RHOBTB1: variants seen among roughly 807,000 people sequenced by gnomAD.
The protein encoded by RHOBTB1 is Rho related BTB domain containing 1, also known as rho-related BTB domain-containing protein 1.
Under a neutral mutation model 71.6 loss-of-function variants are expected in RHOBTB1, and 40 were observed. The observed-to-expected ratio is 0.56, with a 90% CI of 0.43 to 0.73. The LOEUF (loss-of-function observed/expected upper bound fraction) is 0.73, where lower values mean the gene tolerates loss of function less well. Among genes scored for constraint, RHOBTB1 ranks in the 30% least tolerant of loss-of-function variants. The pLI, the probability that RHOBTB1 is intolerant of heterozygous loss-of-function variation, is 0.00. For missense variants in RHOBTB1, 797 were observed against 894.0 expected (o/e 0.89, Z 1.38); for synonymous variants, 319 against 334.9 (o/e 0.95, Z 0.52).
Position 60,941,800 on chromosome 10 carries a change from T to A in RHOBTB1, c.-11+4A>T, listed in dbSNP as rs2084916369. Reference sequence around the variant, plus strand: ...TAGTCATGGGTTTGCACAAAGACACTGACCTGGCTTGCTGGAAGTGAAGAA... The same window carrying A: ...TAGTCATGGGTTTGCACAAAGACACAGACCTGGCTTGCTGGAAGTGAAGAA... On this transcript the variant is annotated splice_donor_region_variant and intron_variant, in intron 2 of 10. Transcript: ENST00000337910. 6.6e-6 allele frequency: 1 copy of A among 152,558 alleles called. No individual in the cohort carries two copies. Among genetic ancestry groups the A allele is most frequent in the Non-Finnish European group, 1.5e-5 (1 of 68,022 alleles). 9.5% of individuals were successfully genotyped at this position (152,558 alleles called of 1,614,324 possible).
chr10:60,975,855 A>G (rs1339298594), intron 2 of RHOBTB1, among the ~76,000 whole-genome samples: 1 of 152,086 alleles, frequency 6.6e-6, no homozygotes, highest in Non-Finnish European at 1.5e-5. Flanking sequence ...AGAACCTGGG[A>G]ATCAAGCCCA....
chr10:60,992,936 GA>G (rs2086918286), intron 1 of RHOBTB1, among the ~76,000 whole-genome samples: 1 of 152,084 alleles, frequency 6.6e-6, no homozygotes, highest in Non-Finnish European at 1.5e-5. Context: ...CTCTCTCAAA[GA>G]AAGAAATCGT....
At chr10:60,899,496 C>T (rs768122587) in intron 4 of RHOBTB1, among the ~76,000 whole-genome samples, 18 of 152,274 alleles carry the variant, frequency 1.2e-4, no homozygotes, top group Admixed American at 2.6e-4. Flanking sequence ...TTAACCTCCC[C>T]GACTCTTCTG....
chr10:61,001,079 C>CGTGTGT (rs139082859), intron 1 of RHOBTB1, among the ~76,000 whole-genome samples: 1 of 149,778 alleles, frequency 6.7e-6, no homozygotes, highest in African/African-American at 2.4e-5. Context: ...CGCGCGCACG[C>CGTGTGT]GTGTGTGTGT....
chr10:60,948,691 A>G (rs1385093770), upstream of RHOBTB1, among the ~76,000 whole-genome samples: 1 of 152,260 alleles, frequency 6.6e-6, no homozygotes, highest in Non-Finnish European at 1.5e-5. Flanking sequence ...GAAAGAGAAT[A>G]AGCTCATGTA....
downstream of RHOBTB1, among the ~76,000 whole-genome samples, chr10:60,865,966 G>A (rs1348447386): frequency 1.3e-5 from 2 of 152,068 alleles, no homozygotes; most frequent in African/African-American, 4.8e-5. Flanking sequence ...TGAGTAGCTG[G>A]GATTACAGGT....
intron 4 of RHOBTB1, among the ~76,000 whole-genome samples, chr10:60,904,503 T>C (rs1292026266): frequency 6.6e-6 from 1 of 152,192 alleles, no homozygotes; most frequent in Non-Finnish European, 1.5e-5. Flanking sequence ...TCTAGGATGT[T>C]ACAGAAATGG....
intron 2 of RHOBTB1, among the ~76,000 whole-genome samples, chr10:60,985,209 C>A (rs1486943869): frequency 7.6e-6 from 1 of 132,070 alleles, no homozygotes; most frequent in Non-Finnish European, 1.6e-5. Flanking sequence ...GTGAAAATAA[C>A]AAATAATTTT....
intron 2 of RHOBTB1, among the ~76,000 whole-genome samples, chr10:60,913,622 C>G (rs1477575167): frequency 6.6e-6 from 1 of 152,160 alleles, no homozygotes; most frequent in African/African-American, 2.4e-5. Context: ...CTGGTTGTCA[C>G]TTGGTGGGGG....
At chr10:60,868,135 A>T (rs1486792901), downstream of RHOBTB1, among the ~76,000 whole-genome samples, 1 of 152,112 alleles carries the variant, frequency 6.6e-6, no homozygotes, top group East Asian at 1.9e-4. Flanking sequence ...ATAGACATAC[A>T]ACACAAATGC....
At chr10:60,968,331 T>C (rs557368235) in intron 2 of RHOBTB1, among the ~76,000 whole-genome samples, 1 of 152,256 alleles carries the variant, frequency 6.6e-6, no homozygotes, top group Non-Finnish European at 1.5e-5. Flanking sequence ...AATTCAAAAT[T>C]CAAATGTAGT....
At chr10:60,882,040 T>C (rs1589168497) in intron 7 of RHOBTB1, among the ~76,000 whole-genome samples, 1 of 152,158 alleles carries the variant, frequency 6.6e-6, no homozygotes, top group African/African-American at 2.4e-5. Context: ...CATGGCTGAT[T>C]TTTTAAAAAA....
chr10:60,929,962 A>G (rs2084137673), intron 2 of RHOBTB1, among the ~76,000 whole-genome samples: 1 of 152,214 alleles, frequency 6.6e-6, no homozygotes, highest in Admixed American at 6.5e-5. Flanking sequence ...CTGGGCCATA[A>G]GGCCCCAAAT....
chr10:60,976,457 TC>T (rs1488062608), intron 2 of RHOBTB1, among the ~76,000 whole-genome samples: 1 of 151,992 alleles, frequency 6.6e-6, no homozygotes, highest in East Asian at 1.9e-4. Flanking sequence ...TGTATCTAAC[TC>T]CGAGTTAAGA....
At chr10:60,871,902 C>T (rs2132161657) in intron 10 of RHOBTB1, 1 of 603,646 alleles carries the variant, frequency 1.7e-6, no homozygotes, top group Admixed American at 3.0e-5. Flanking sequence ...TGCTCCTAAG[C>T]TTGTCTCCCT....
intron 2 of RHOBTB1, among the ~76,000 whole-genome samples, chr10:60,918,093 C>T (rs1050914545): frequency 4.6e-5 from 7 of 152,276 alleles, no homozygotes; most frequent in African/African-American, 9.6e-5. Context: ...ATACACTGAA[C>T]GAATCATCAA....
intron 4 of RHOBTB1, among the ~76,000 whole-genome samples, chr10:60,893,611 G>A (rs914375858): frequency 4.6e-5 from 7 of 152,132 alleles, no homozygotes; most frequent in South Asian, 2.1e-4. Context: ...AAGGCAAGAA[G>A]GTAATATTTA....
rs1321860977 is a variant in RHOBTB1, at chr10:60,870,759, G to C, written c.*723C>G. The C allele has an allele frequency of 1.3e-5, 2 of 152,630 alleles. No homozygotes were observed. Among genetic ancestry groups the C allele is most frequent in the Non-Finnish European group, 2.9e-5 (2 of 68,044 alleles). The allele number at this position is 152,630 out of a possible 1,614,324, so 9.5% of individuals were successfully genotyped here. ...AATAAGCCCTTCTAATGATTATAAA[G>C]ATTGTCCTCTTGAAACTAGACATTG... On this transcript the variant is annotated 3_prime_UTR_variant, in exon 11 of 11. Transcript: ENST00000337910.
chr10:60,990,014 G>A (rs960741301), intron 1 of RHOBTB1, among the ~76,000 whole-genome samples: 37 of 127,734 alleles, frequency 2.9e-4, no homozygotes, highest in Admixed American at 3.9e-4. Context: ...ATGGAGTCTC[G>A]TTCTGTCGCC....
Sources: gnomAD v4.1 joint callset for allele counts (sites outside exome capture counted in the v4.1 genomes callset) on GRCh38, gnomAD v4.1.1 for gene constraint, MANE v1.5 for transcripts, NCBI Gene and HGNC (gene_info 2026-07-23, HGNC 2026-07-21) for gene names.